ERBB4: variants seen among roughly 807,000 people sequenced by gnomAD.
The protein encoded by ERBB4 is receptor tyrosine-protein kinase erbB-4.
Under a neutral mutation model 158.0 loss-of-function variants are expected in ERBB4, and 42 were observed. The ratio of observed to expected loss-of-function variants is 0.27; its 90% CI spans 0.21 to 0.34. The LOEUF is 0.34. Ranked by LOEUF, ERBB4 falls within the 10% of genes least tolerant of loss-of-function variation. The pLI is 1.00. For synonymous variants in ERBB4, 583 were observed against 558.7 expected, an observed-to-expected ratio of 1.04 and a Z score of -0.61; for missense variants, 1,333 against 1,624.1, an observed-to-expected ratio of 0.82 and a Z score of 3.08.
chr2:212,095,346 T>C (rs2078898237), intron 2 of ERBB4, among the ~76,000 whole-genome samples: 1 of 152,184 alleles, frequency 6.6e-6, no homozygotes, highest in African/African-American at 2.4e-5. Context: ...TCTCCCGGGA[T>C]CCATTTCTAA....
chr2:212,063,170 A>T (rs80118023), intron 2 of ERBB4, among the ~76,000 whole-genome samples: 9,984 of 152,254 alleles, frequency 0.066, 422 homozygotes, highest in Middle Eastern at 0.095. Flanking sequence ...TATCAAATCT[A>T]ATAATTTTTA....
At chr2:212,427,812 G>A (rs1462140243) in intron 1 of ERBB4, among the ~76,000 whole-genome samples, 1 of 152,082 alleles carries the variant, frequency 6.6e-6, no homozygotes, top group African/African-American at 2.4e-5. Flanking sequence ...GAGCTTGTGG[G>A]GAAACGTGAG....
At chr2:211,550,781 T>C (rs116054737) in intron 20 of ERBB4, among the ~76,000 whole-genome samples, 6,565 of 149,120 alleles carry the variant, frequency 0.044, 162 homozygotes, top group Middle Eastern at 0.15. Flanking sequence ...TACAAAGCAA[T>C]ACACTTAATA....
At chr2:212,049,908 T>TATCA (rs1219812740) in intron 2 of ERBB4, among the ~76,000 whole-genome samples, 3 of 152,196 alleles carry the variant, frequency 2.0e-5, no homozygotes, top group African/African-American at 7.2e-5. Flanking sequence ...GCACTTCACA[T>TATCA]ATCATTTTAA....
At chr2:211,865,008 C>CTAAAAAA (rs1272340216) in intron 3 of ERBB4, among the ~76,000 whole-genome samples, 1 of 151,682 alleles carries the variant, frequency 6.6e-6, no homozygotes, top group Non-Finnish European at 1.5e-5. Flanking sequence ...GAAACTCTGT[C>CTAAAAAA]TAAAAAATAA....
At chr2:211,919,289 A>G (rs539986670) in intron 3 of ERBB4, among the ~76,000 whole-genome samples, 70 of 152,150 alleles carry the variant, frequency 4.6e-4, no homozygotes, top group African/African-American at 1.6e-3. Context: ...AATTTGGGAG[A>G]AAGTGGATAA....
chr2:212,111,269 C>T (rs1273973872), intron 2 of ERBB4, among the ~76,000 whole-genome samples: 2 of 152,192 alleles, frequency 1.3e-5, no homozygotes, highest in African/African-American at 4.8e-5. Flanking sequence ...TACATCTCTG[C>T]CTTCAACTGC....
At chr2:212,381,438 A>G (rs1574814567) in intron 1 of ERBB4, among the ~76,000 whole-genome samples, 1 of 151,282 alleles carries the variant, frequency 6.6e-6, no homozygotes, top group Non-Finnish European at 1.5e-5. Flanking sequence ...TGCTTGGAAA[A>G]CCATAAACAA....
intron 1 of ERBB4, among the ~76,000 whole-genome samples, chr2:212,195,641 A>G (rs1216312999): frequency 1.3e-5 from 2 of 152,100 alleles, no homozygotes; most frequent in Non-Finnish European, 2.9e-5. Flanking sequence ...AGCATAACTC[A>G]TAAGTTCAAT....
chr2:212,108,895 G>T (rs186821875), intron 2 of ERBB4, among the ~76,000 whole-genome samples: 1 of 152,192 alleles, frequency 6.6e-6, no homozygotes, highest in Admixed American at 6.5e-5. Flanking sequence ...GCTCTTGGCT[G>T]AGTATCTATG....
At chr2:212,374,963 T>C (rs1226833051) in intron 1 of ERBB4, among the ~76,000 whole-genome samples, 1 of 151,988 alleles carries the variant, frequency 6.6e-6, no homozygotes, top group Admixed American at 6.6e-5. Flanking sequence ...TCCAGATTAA[T>C]AAATACATGA....
chr2:211,517,207 A>G (rs1216700924), intron 20 of ERBB4, among the ~76,000 whole-genome samples: 3 of 152,152 alleles, frequency 2.0e-5, no homozygotes, highest in Admixed American at 2.0e-4. Context: ...CTTTCTAATC[A>G]TAAAAATAAG....
At chr2:211,787,207 G>A (rs1008605567) in intron 4 of ERBB4, among the ~76,000 whole-genome samples, 4 of 151,998 alleles carry the variant, frequency 2.6e-5, no homozygotes, top group Non-Finnish European at 5.9e-5. Flanking sequence ...TAATAGATGA[G>A]AAATATAAAA....
chr2:212,238,367 C>T (rs1487789698), intron 1 of ERBB4, among the ~76,000 whole-genome samples: 1 of 152,168 alleles, frequency 6.6e-6, no homozygotes, highest in Non-Finnish European at 1.5e-5. Flanking sequence ...GGTGAGGCAA[C>T]ACCCTATCCT....
intron 4 of ERBB4, chr2:211,778,307 T>TCGGA (rs2075940553): frequency 6.6e-6 from 1 of 152,122 alleles, no homozygotes; most frequent in African/African-American, 2.4e-5. Context: ...CACAAAGATA[T>TCGGA]CGGAACACTG....
At chr2:212,295,090 GCAGAAA>G (rs1233467184) in intron 1 of ERBB4, among the ~76,000 whole-genome samples, 1 of 152,130 alleles carries the variant, frequency 6.6e-6, no homozygotes, top group African/African-American at 2.4e-5. Context: ...CATTGGCAGA[GCAGAAA>G]CAGAGTTTGT....
rs2080595699 is a variant in ERBB4, at chr2:211,944,177, C to CACTATATATATATATATAGTG, written c.421+3252_421+3253insCACTATATATATATATATAGT. ...TATATATATACACTATATATATATA[C>CACTATATATATATATATAGTG]TATATATATATATATATATATACTA... On this transcript the variant is annotated intron_variant, in intron 3 of 27. Coordinates refer to ENST00000342788, the MANE Select transcript of ERBB4 (RefSeq NM_005235.3). Among the ~76,000 whole-genome samples the CACTATATATATATATATAGTG allele has an allele frequency of 6.2e-4, 24 of 38,582 alleles. 1 individual carries two copies. Among genetic ancestry groups the CACTATATATATATATATAGTG allele is most frequent in the East Asian group, 3.9e-3 (9 of 2,310 alleles). 25.3% of individuals were successfully genotyped at this position (38,582 alleles called of 152,430 possible). A position where few individuals can be genotyped will look rare whatever the true frequency, so the allele number is the denominator to read the frequency against.
chr2:212,242,163 A>T (rs2084132264), intron 1 of ERBB4, among the ~76,000 whole-genome samples: 1 of 151,888 alleles, frequency 6.6e-6, no homozygotes, highest in African/African-American at 2.4e-5. Context: ...ACCTGATTTA[A>T]ATCAGATTCA....
intron 1 of ERBB4, among the ~76,000 whole-genome samples, chr2:212,339,975 A>G (rs1363367063): frequency 6.6e-6 from 1 of 152,136 alleles, no homozygotes; most frequent in African/African-American, 2.4e-5. Flanking sequence ...TCCTACTAGA[A>G]ATGACAGAGC....
Sources: allele counts gnomAD v4.1 joint callset (sites outside exome capture counted in the v4.1 genomes callset), GRCh38; gene constraint gnomAD v4.1.1; transcripts MANE v1.5; gene names NCBI Gene and HGNC (gene_info 2026-07-23, HGNC 2026-07-21).